Variants in ASAH1 observed in about 807,000 individuals in gnomAD.
The protein encoded by ASAH1 is acid ceramidase.
In ASAH1, 70 loss-of-function variants were observed where a neutral mutation model predicts 59.5. The ratio of observed to expected loss-of-function variants is 1.18; its 90% confidence interval spans 0.97 to 1.43. The LOEUF is 1.43. Ranked by LOEUF, ASAH1 falls within the 40% of genes most tolerant of loss-of-function variation. The pLI, the probability that ASAH1 is intolerant of heterozygous loss-of-function variation, is 0.00. For synonymous variants in ASAH1, 213 were observed against 166.5 expected (o/e 1.28, Z -2.15); for missense variants, 660 against 482.5 (o/e 1.37, Z -3.45).
intron 5 of ASAH1, 73 bp from the exon 6 acceptor site, chr8:18,064,604 G>T (rs1311983004): frequency 1.1e-6 from 1 of 884,748 alleles, no homozygotes; most frequent in East Asian, 2.6e-5. Context: ...TTAAGAAAAA[G>T]TTTCAGTGTT....
At chr8:18,061,834 T>C in intron 8 of ASAH1, 94 bp from the exon 9 acceptor site, 2 of 1,178,444 alleles carry the variant, frequency 1.7e-6, no homozygotes, top group Admixed American at 2.0e-5. Context: ...TATAAAGGCC[T>C]AGCTTGGGTA....
At chr8:18,080,542 C>T (rs569212944) in intron 1 of ASAH1, among the ~76,000 whole-genome samples, 1 of 152,164 alleles carries the variant, frequency 6.6e-6, no homozygotes, top group Admixed American at 6.5e-5. Context: ...GCTTCCTGTT[C>T]CACTTACTCT....
intron 3 of ASAH1, 49 bp downstream of exon 3, chr8:18,071,251 A>AAT (rs1554810661): frequency 6.1e-6 from 6 of 989,654 alleles, no homozygotes; most frequent in African/African-American, 1.8e-5. Flanking sequence ...AAAGAAATAA[A>AAT]ATAAAAAATA....
At chr8:18,083,640 C>G (rs539114969) in intron 1 of ASAH1, among the ~76,000 whole-genome samples, 2 of 152,242 alleles carry the variant, frequency 1.3e-5, no homozygotes, top group Non-Finnish European at 2.9e-5. Flanking sequence ...CACAGGTCCA[C>G]CGGAACATTT....
At chr8:18,060,198 C>T (rs138427019) in intron 10 of ASAH1, 66 of 163,068 alleles carry the variant, frequency 4.0e-4, no homozygotes, top group African/African-American at 1.5e-3. Flanking sequence ...CACTCTGTTG[C>T]CCAGGCTGGT....
At chr8:18,058,610 A>G in intron 13 of ASAH1, 1 of 560,368 alleles carries the variant, frequency 1.8e-6, no homozygotes, top group Non-Finnish European at 3.2e-6. Flanking sequence ...TGCTATGTAA[A>G]TAAAGCTATA....
At chr8:18,062,846 C>A in intron 7 of ASAH1, 1 of 329,132 alleles carries the variant, frequency 3.0e-6, no homozygotes, top group South Asian at 3.0e-5. Flanking sequence ...ACTCTTCCTA[C>A]AGACCAAAAC....
At chr8:18,061,529 G>T in intron 9 of ASAH1, 71 bp from the exon 10 acceptor site, 1 of 1,458,034 alleles carries the variant, frequency 6.9e-7, no homozygotes, top group Non-Finnish European at 9.6e-7. Context: ...ACCCGGAAGA[G>T]GCTGGACTAT....
At position 18,057,526 on chromosome 8, in the gene ASAH1, ACGTGTGCT is replaced by A. The variant is rs1466288526; in HGVS notation, c.1188_*7del. On this transcript the variant is annotated stop_lost and 3_prime_UTR_variant, in exon 14 of 14. Coordinates refer to ENST00000637790, the MANE Select transcript of ASAH1 (RefSeq NM_177924.5). ...TCAGAGGCCGCATTCTGTAGGCCAG[ACGTGTGCT>A]CACCAACCTATACAAGGGTCAGGGC... The A allele has an allele frequency of 6.3e-7, 1 of 1,589,830 alleles. No homozygotes were observed. Among genetic ancestry groups the A allele is most frequent in the Non-Finnish European group, 8.6e-7 (1 of 1,162,676 alleles).
upstream of ASAH1, chr8:18,084,568 T>C: frequency 1.3e-6 from 2 of 1,539,806 alleles, no homozygotes; most frequent in Admixed American, 1.9e-5. Context: ...CCGAAATGAG[T>C]TGAGTTATTC....
intron 12 of ASAH1, 48 bp from the exon 13 acceptor site, chr8:18,058,939 C>G: frequency 6.5e-7 from 1 of 1,529,106 alleles, no homozygotes; most frequent in Non-Finnish European, 9.1e-7. Flanking sequence ...ATACAGAAGC[C>G]AACAGCCTTA....
In ASAH1 at chr8:18,058,570, A is replaced by G. The variant is rs781399336; in HGVS notation, c.1098+265T>C. On this transcript the variant is annotated intron_variant, in intron 13 of 13. Transcript: ENST00000637790. The stretch of plus-strand genomic sequence containing the variant: ...AGTGTGAGATTTTTAATAGATACCA[A>G]TAAGAGTAAAATGCTAGCCTTAATT... The G allele has an allele frequency of 2.7e-4, 128 of 475,670 alleles. 1 individual carries two copies. The highest frequency in any genetic ancestry group is 1.8e-3 in the South Asian group (75 of 40,722). The allele number at this position is 475,670 out of a possible 1,614,324, so 29.5% of individuals were successfully genotyped here.
chr8:18,059,937 CA>C, intron 10 of ASAH1: 1 of 430,948 alleles, frequency 2.3e-6, no homozygotes, highest in South Asian at 2.3e-5. Flanking sequence ...CCTTTCACCC[CA>C]CCCCCTGACA....
At chr8:18,074,013 T>G (rs931755852) in intron 2 of ASAH1, among the ~76,000 whole-genome samples, 1 of 150,764 alleles carries the variant, frequency 6.6e-6, no homozygotes, top group African/African-American at 2.5e-5. Flanking sequence ...CACACTCACA[T>G]GCACATGGCA....
chr8:18,064,430 GCC>G, intron 6 of ASAH1, 25 bp downstream of exon 6: 3 of 1,489,358 alleles, frequency 2.0e-6, no homozygotes, highest in Non-Finnish European at 2.8e-6. Context: ...GCTTCATGCT[GCC>G]CACCCTCCCT....
intron 1 of ASAH1, among the ~76,000 whole-genome samples, chr8:18,080,221 ACGCT>A (rs1800595582): frequency 6.6e-6 from 1 of 152,252 alleles, no homozygotes; most frequent in Non-Finnish European, 1.5e-5. Context: ...ATGTTGACAT[ACGCT>A]GTTAACTAGT....
chr8:18,056,817 T>A lies in ASAH1; in HGVS notation c.*717A>T, dbSNP rs996971574. ...GAACGTGGGATGCAGTTTTTTAAGT[T>A]AGCAACTTCCTTAGGGTTACTGGGA... On this transcript the variant is annotated 3_prime_UTR_variant, in exon 14 of 14. Transcript: ENST00000637790. 1.4e-5 allele frequency: 2 copies of A among 143,880 alleles called. No individual in the cohort carries two copies. Among genetic ancestry groups the A allele is most frequent in the Non-Finnish European group, 3.0e-5 (2 of 67,794 alleles). 8.9% of individuals were successfully genotyped at this position (143,880 alleles called of 1,614,324 possible).
In ASAH1 at chr8:18,067,302, G is replaced by T; in HGVS notation, c.304-4C>A. Reference sequence around the variant, plus strand: ...GAAAGTTGCCAAGTAGGCCAGGCTGGAAAACAAATATATTAATAAAAGCAT... The same window carrying T: ...GAAAGTTGCCAAGTAGGCCAGGCTGTAAAACAAATATATTAATAAAAGCAT... On this transcript the variant is annotated splice_polypyrimidine_tract_variant and splice_region_variant and intron_variant, in intron 4 of 13. Transcript: ENST00000637790. 1 of 1,571,474 alleles carries T rather than the reference G, an allele frequency of 6.4e-7. No individual in the cohort carries two copies.
At chr8:18,079,033 T>C (rs980971530) in intron 1 of ASAH1, among the ~76,000 whole-genome samples, 2 of 152,114 alleles carry the variant, frequency 1.3e-5, no homozygotes, top group Admixed American at 6.5e-5. Context: ...TTCCAGCACC[T>C]TGGGAGGCTG....
Sources: gnomAD v4.1 joint callset for allele counts (sites outside exome capture counted in the v4.1 genomes callset) on GRCh38, gnomAD v4.1.1 for gene constraint, MANE v1.5 for transcripts, NCBI Gene and HGNC (gene_info 2026-07-23, HGNC 2026-07-21) for gene names.